Variants in GSE1 observed in about 807,000 individuals in gnomAD.
The protein encoded by GSE1 is Gse1 coiled-coil protein.
In GSE1, 32 loss-of-function variants were observed where a neutral mutation model predicts 112.6. The ratio of observed to expected loss-of-function variants is 0.28; its 90% CI spans 0.21 to 0.38. GSE1 has a LOEUF of 0.38. Ranked by LOEUF, GSE1 falls within the 10% of genes least tolerant of loss-of-function variation. GSE1 has a pLI of 1.00. For synonymous variants in GSE1, 1,115 were observed against 735.6 expected (o/e 1.52, Z -8.35); for missense variants, 2,348 against 1,699.2 (o/e 1.38, Z -6.71).
chr16:85,516,457 CAA>C (rs71151299), intron 2 of GSE1, among the ~76,000 whole-genome samples: 1,151 of 69,390 alleles, frequency 0.017, 7 homozygotes, highest in African/African-American at 0.054. Flanking sequence ...CCCATCTCTA[CAA>C]AAAAAAAAAA....
intron 1 of GSE1, among the ~76,000 whole-genome samples, chr16:85,294,536 C>G (rs916533210): frequency 6.6e-6 from 1 of 151,948 alleles, no homozygotes; most frequent in Non-Finnish European, 1.5e-5. Context: ...CTGACAGTTT[C>G]TCAACAGTGT....
At position 85,311,201 on chromosome 16, in the gene GSE1, A is replaced by G. The variant is rs537851411; in HGVS notation, c.2284-46262A>G. Among the ~76,000 whole-genome samples the G allele has an allele frequency of 7.9e-5, 12 of 152,296 alleles. No homozygotes were observed. Among genetic ancestry groups the G allele is most frequent in the Non-Finnish European group, 1.0e-4 (7 of 68,010 alleles). Reference sequence around the variant, plus strand: ...CCCTGGTTCCCAGGGTGCCCCCAGCAGAAGAGCTGAGACTTGAATCCCATG... The same window carrying G: ...CCCTGGTTCCCAGGGTGCCCCCAGCGGAAGAGCTGAGACTTGAATCCCATG... On this transcript the variant is annotated intron_variant, in intron 1 of 2. Transcript: ENST00000637419. This position sits in a 1 kb window ranked among gnomAD's most constrained non-coding sequence, Gnocchi z 4.2.
At chr16:85,576,461 G>A (rs2046231579) in intron 1 of GSE1, among the ~76,000 whole-genome samples, 1 of 152,152 alleles carries the variant, frequency 6.6e-6, no homozygotes, top group Admixed American at 6.5e-5. Flanking sequence ...GAGCCTAGAC[G>A]TCCTTATTGG....
intron 2 of GSE1, among the ~76,000 whole-genome samples, chr16:85,470,368 G>A (rs1263428054): frequency 6.6e-6 from 1 of 152,200 alleles, no homozygotes; most frequent in Non-Finnish European, 1.5e-5. Flanking sequence ...ACTGGGCAGA[G>A]CTGGGGCTCA....
chr16:85,654,023 C>T (rs2051678414), intron 3 of GSE1, among the ~76,000 whole-genome samples: 1 of 152,138 alleles, frequency 6.6e-6, no homozygotes, highest in Non-Finnish European at 1.5e-5. Context: ...TTTTGCTGGA[C>T]TGAGGAGGCC....
At chr16:85,520,595 T>C (rs747048546) in intron 2 of GSE1, among the ~76,000 whole-genome samples, 1 of 141,642 alleles carries the variant, frequency 7.1e-6, no homozygotes, top group Non-Finnish European at 1.5e-5. Context: ...CTAATTTTTG[T>C]TTTTTTTAGT....
chr16:85,416,820 G>T (rs891822253), intron 2 of GSE1, among the ~76,000 whole-genome samples: 1 of 152,186 alleles, frequency 6.6e-6, no homozygotes, highest in Non-Finnish European at 1.5e-5. Context: ...TTTTTTGTTG[G>T]TGGTGGTTTT....
rs368072524 is a variant in GSE1 at position 85,262,330 on chromosome 16, G to A, written c.2283+90523G>A. 1.4e-3 allele frequency among the ~76,000 whole-genome samples: 207 copies of A among 152,278 alleles called. 1 individual carries two copies. The highest frequency in any genetic ancestry group is 4.7e-3 in the African/African-American group (196 of 41,548). On this transcript the variant is annotated intron_variant, in intron 1 of 2. Coordinates refer to the GSE1 transcript ENST00000637419. ...ATTTCCTTTTATCATGTGGTGACAC[G>A]CGGTGGCAGAGGGCGATTCTGGGAG...
chr16:85,569,135 C>A (rs1313031864), intron 1 of GSE1, among the ~76,000 whole-genome samples: 3 of 152,210 alleles, frequency 2.0e-5, no homozygotes, highest in African/African-American at 7.2e-5. Context: ...CCTTTTCTCC[C>A]CGACAGGGCC....
At chr16:85,239,473 A>G (rs539645223) in intron 1 of GSE1, among the ~76,000 whole-genome samples, 1 of 152,214 alleles carries the variant, frequency 6.6e-6, no homozygotes, top group Non-Finnish European at 1.5e-5. Flanking sequence ...GAGAAGGGAC[A>G]CTGACCTGTC....
Position 85,331,451 on chromosome 16 carries a change from GTA to G in GSE1, c.2284-26004_2284-26003del, listed in dbSNP as rs557560720. 5.0e-4 allele frequency among the ~76,000 whole-genome samples: 70 copies of G among 140,356 alleles called. 1 individual carries two copies. Among genetic ancestry groups the G allele is most frequent in the African/African-American group, 1.0e-3 (38 of 37,366 alleles). 92.1% of individuals were successfully genotyped at this position (140,356 alleles called of 152,430 possible). On this transcript the variant is annotated intron_variant, in intron 1 of 2. Coordinates refer to the GSE1 transcript ENST00000637419. ...TATATGTATATATATGCGTATATAT[GTA>G]TATATATGTGTGTATATATGTATAT... is the stretch of plus-strand genomic sequence containing the variant.
At chr16:85,186,072 T>G (rs2074694830) in intron 1 of GSE1, among the ~76,000 whole-genome samples, 1 of 152,208 alleles carries the variant, frequency 6.6e-6, no homozygotes, top group Admixed American at 6.5e-5. Context: ...TAGTCACCAC[T>G]GATACTGTTC....
intron 2 of GSE1, among the ~76,000 whole-genome samples, chr16:85,462,926 C>T (rs1188968947): frequency 6.6e-6 from 1 of 151,448 alleles, no homozygotes; most frequent in African/African-American, 2.4e-5. Flanking sequence ...TCCGTGCCGC[C>T]CCGCAGAATC....
Position 85,673,256 on chromosome 16 carries a change from C to T in GSE1, c.*717C>T, listed in dbSNP as rs750213040. 1.3e-5 allele frequency: 2 copies of T among 152,396 alleles called. No homozygotes were observed. Among genetic ancestry groups the T allele is most frequent in the Non-Finnish European group, 1.5e-5 (1 of 68,028 alleles). 9.4% of individuals were successfully genotyped at this position (152,396 alleles called of 1,614,324 possible). On this transcript the variant is annotated 3_prime_UTR_variant, in exon 16 of 16. Coordinates refer to ENST00000253458, the MANE Select transcript of GSE1 (RefSeq NM_014615.5). ...CTTCACACCCACCAGATTGTTACTA[C>T]AGTGGGTTGGGTTTTCATACAGACG...
At chr16:85,197,037 G>T (rs1346597101) in intron 1 of GSE1, among the ~76,000 whole-genome samples, 2 of 152,174 alleles carry the variant, frequency 1.3e-5, no homozygotes, top group Non-Finnish European at 2.9e-5. Context: ...CTTAACTTCT[G>T]CGTTTCCTGT....
At chr16:85,509,220 AG>A (rs2051648840) in intron 2 of GSE1, among the ~76,000 whole-genome samples, 1 of 152,182 alleles carries the variant, frequency 6.6e-6, no homozygotes, top group Non-Finnish European at 1.5e-5. Context: ...CGTGGACGCA[AG>A]GGGGCAGGAA....
At chr16:85,353,176 A>C (rs2046884239) in intron 1 of GSE1, among the ~76,000 whole-genome samples, 1 of 152,096 alleles carries the variant, frequency 6.6e-6, no homozygotes, top group Admixed American at 6.6e-5. Flanking sequence ...CCGCCTCCAC[A>C]CTCACTTGGT....
intron 9 of GSE1, 114 bp downstream of exon 9, chr16:85,661,879 A>AGT: frequency 9.2e-7 from 1 of 1,083,316 alleles, no homozygotes; most frequent in Non-Finnish European, 1.3e-6. Flanking sequence ...TGCCTGGGGT[A>AGT]GTCCCAGGCC....
chr16:85,672,109 C>G, intron 15 of GSE1: 1 of 330,512 alleles, frequency 3.0e-6, no homozygotes, highest in Non-Finnish European at 6.0e-6. Context: ...AGCGATTCTC[C>G]TGCCTCAGCC....
Sources: allele counts gnomAD v4.1 joint callset (sites outside exome capture counted in the v4.1 genomes callset), GRCh38; gene constraint gnomAD v4.1.1; non-coding constraint Gnocchi (gnomAD v3.1); transcripts MANE v1.5; gene names NCBI Gene and HGNC (gene_info 2026-07-23, HGNC 2026-07-21).